MTREX: variants seen among roughly 807,000 people sequenced by gnomAD.
MTREX encodes Mtr4 exosome RNA helicase.
Under a neutral mutation model 135.4 loss-of-function variants are expected in MTREX, and 76 were observed. The ratio of observed to expected loss-of-function variants is 0.56; its 90% confidence interval spans 0.47 to 0.68. MTREX has a LOEUF of 0.68. Ranked by LOEUF, MTREX falls within the 30% of genes least tolerant of loss-of-function variation. The pLI, the probability that MTREX is intolerant of heterozygous loss-of-function variation, is 0.00. For synonymous variants in MTREX, 404 were observed against 401.6 expected (o/e 1.01, Z -0.07); for missense variants, 920 against 1,262.1 (o/e 0.73, Z 4.11).
intron 8 of MTREX, among the ~76,000 whole-genome samples, chr5:55,344,238 G>A (rs1054576357): frequency 5.3e-5 from 8 of 152,084 alleles, no homozygotes; most frequent in Admixed American, 1.3e-4. Flanking sequence ...GCATCTTTCC[G>A]TAATTACAGC....
chr5:55,362,447 G>C (rs577752666), intron 15 of MTREX, among the ~76,000 whole-genome samples: 3 of 151,748 alleles, frequency 2.0e-5, no homozygotes, highest in Non-Finnish European at 4.4e-5. Context: ...TGCGACCTCC[G>C]CCTCCTGGGT....
chr5:55,351,682 G>A (rs1749830720), intron 13 of MTREX, among the ~76,000 whole-genome samples: 1 of 152,104 alleles, frequency 6.6e-6, no homozygotes, highest in Admixed American at 6.6e-5. Context: ...GGAAATTGCT[G>A]GTTAGACTTA....
intron 19 of MTREX, among the ~76,000 whole-genome samples, chr5:55,392,597 A>T (rs181128068): frequency 3.9e-4 from 59 of 151,550 alleles, no homozygotes; most frequent in African/African-American, 1.3e-3. Context: ...CTTTGTATGC[A>T]TATTGCAGCA....
intron 1 of MTREX, among the ~76,000 whole-genome samples, chr5:55,320,617 A>G (rs1579846718): frequency 1.3e-5 from 2 of 151,056 alleles, no homozygotes; most frequent in East Asian, 3.9e-4. Flanking sequence ...TCTGTGCAAA[A>G]AAATAGAATA....
At position 55,425,045 on chromosome 5, in the gene MTREX, A is replaced by T; in HGVS notation, c.*273A>T. 1 of 1,000,038 alleles carries T rather than the reference A, an allele frequency of 1.0e-6. No individual in the cohort carries two copies. The highest frequency in any genetic ancestry group is 1.5e-6 in the Non-Finnish European group (1 of 682,114). 61.9% of individuals were successfully genotyped at this position (1,000,038 alleles called of 1,614,324 possible). ...AGAGCTATTAGATAACCACTGAGTT[A>T]AAGGTAACTATGTACACACAAAGTG... On this transcript the variant is annotated 3_prime_UTR_variant, in exon 27 of 27. Coordinates refer to ENST00000230640, the MANE Select transcript of MTREX (RefSeq NM_015360.5).
chr5:55,384,290 G>T (rs1251061801), intron 18 of MTREX, among the ~76,000 whole-genome samples: 1 of 152,034 alleles, frequency 6.6e-6, no homozygotes, highest in Non-Finnish European at 1.5e-5. Context: ...TCTACTGTTG[G>T]GCTCCTCTAG....
rs534320417 is a variant in MTREX at position 55,414,289 on chromosome 5, T to C, written c.2808+51T>C. ...AACTACATATTTTATGAATAGTAGA[T>C]TGTAAAATAAACATTTTTGATAATC... On this transcript the variant is annotated intron_variant, in intron 24 of 26. Coordinates refer to ENST00000230640, the MANE Select transcript of MTREX (RefSeq NM_015360.5). The C allele has an allele frequency of 2.9e-6, 4 of 1,357,420 alleles. No individual in the cohort carries two copies. The South Asian group carries it at 4.3e-5, about 15-fold the overall frequency. 84.1% of individuals were successfully genotyped at this position (1,357,420 alleles called of 1,614,324 possible).
chr5:55,370,188 G>T (rs1750173958), intron 16 of MTREX, among the ~76,000 whole-genome samples: 1 of 152,088 alleles, frequency 6.6e-6, no homozygotes. Flanking sequence ...CTCCCAAAGT[G>T]CTGGGATTAT....
chr5:55,369,705 G>C (rs1403472179), intron 16 of MTREX, among the ~76,000 whole-genome samples: 2 of 152,086 alleles, frequency 1.3e-5, no homozygotes, highest in Non-Finnish European at 2.9e-5. Context: ...AGGAATGGGA[G>C]CCCCTTTCAA....
chr5:55,379,437 G>A (rs576576941), intron 18 of MTREX, among the ~76,000 whole-genome samples: 58 of 152,006 alleles, frequency 3.8e-4, no homozygotes, highest in African/African-American at 1.2e-3. Flanking sequence ...CACCTGCCTC[G>A]GCCTCCCAAA....
In MTREX at chr5:55,340,383, T is replaced by C. The variant is rs150222448; in HGVS notation, c.690+199T>C. On this transcript the variant is annotated intron_variant, in intron 6 of 26. Transcript: ENST00000230640. ...ATTACATTTCTAAATTACCATACTT[T>C]ATTATTTGTCTCAGATACATTTTTT... 2.4e-3 allele frequency among the ~76,000 whole-genome samples: 364 copies of C among 152,346 alleles called. 1 individual carries two copies. The highest frequency in any genetic ancestry group is 8.2e-3 in the African/African-American group (339 of 41,592).
rs546924400 is a variant in MTREX at position 55,388,205 on chromosome 5, T to C, written c.2181+103T>C. The C allele has an allele frequency of 4.4e-5, 45 of 1,016,468 alleles. No homozygotes were observed. The Middle Eastern group carries it at 1.5e-3, about 34-fold the overall frequency. 63.0% of individuals were successfully genotyped at this position (1,016,468 alleles called of 1,614,324 possible). ...TGGTAATGAACATACTATCATGATT[T>C]CTAAATTAGAAGTTTTCAAGGTATT... is the stretch of plus-strand genomic sequence containing the variant. On this transcript the variant is annotated intron_variant, in intron 19 of 26. Coordinates refer to ENST00000230640, the MANE Select transcript of MTREX (RefSeq NM_015360.5).
In MTREX at chr5:55,339,600, T is replaced by C. The variant is rs556682500; in HGVS notation, c.516-410T>C. Among the ~76,000 whole-genome samples, 193 of 152,346 alleles carry C rather than the reference T, an allele frequency of 1.3e-3. 1 individual carries two copies. Among genetic ancestry groups the C allele is most frequent in the Admixed American group, 4.3e-3 (66 of 15,304 alleles). ...GTTACATGTGGGAAAAGAATACATA[T>C]AGATTAACTTATTTGTGAAACTTGA... On this transcript the variant is annotated intron_variant, in intron 5 of 26. Transcript: ENST00000230640.
chr5:55,412,032 C>A (rs1318004749), intron 23 of MTREX, among the ~76,000 whole-genome samples: 1 of 151,766 alleles, frequency 6.6e-6, no homozygotes, highest in Admixed American at 6.6e-5. Context: ...GTTGGTTAAG[C>A]TAAACCACAG....
intron 18 of MTREX, among the ~76,000 whole-genome samples, chr5:55,383,166 G>A (rs937992723): frequency 2.0e-5 from 3 of 152,100 alleles, no homozygotes; most frequent in African/African-American, 7.2e-5. Context: ...ATAATATAAT[G>A]TATACATATT....
chr5:55,384,425 T>C (rs1392282000), intron 18 of MTREX, among the ~76,000 whole-genome samples: 3 of 152,222 alleles, frequency 2.0e-5, no homozygotes, highest in African/African-American at 7.2e-5. Flanking sequence ...TACCTTTTAC[T>C]TCATTAATTG....
rs1751145559 is a variant in MTREX at position 55,425,239 on chromosome 5, A to C, written c.*467A>C. The C allele has an allele frequency of 6.2e-7, 1 of 1,613,800 alleles. No individual in the cohort carries two copies. The highest frequency in any genetic ancestry group is 1.3e-5 in the African/African-American group (1 of 74,898). On this transcript the variant is annotated 3_prime_UTR_variant, in exon 27 of 27. Coordinates refer to ENST00000230640, the MANE Select transcript of MTREX (RefSeq NM_015360.5). ...GGTGATTGCTCGGATAGTGATTCCC[A>C]GTTGTTGGTGTTTCATGCAGAGTTG...
chr5:55,402,304 C>T (rs1750733988), intron 21 of MTREX, among the ~76,000 whole-genome samples: 1 of 152,248 alleles, frequency 6.6e-6, no homozygotes. Context: ...ATTACTTACA[C>T]AGATATCCAG....
Position 55,345,161 on chromosome 5 carries a change from A to G in MTREX, c.1073A>G (p.Lys358Arg), listed in dbSNP as rs921880884. 33 of 1,613,290 alleles carry G rather than the reference A, an allele frequency of 2.0e-5. No homozygotes were observed. The highest frequency in any genetic ancestry group is 1.2e-4 in the Admixed American group (7 of 59,934). ...QVLRDAGDLA[K>R]GDQKGRKGGT... ...CTTCGAGATGCAGGTGATTTGGCCA[A>G]AGGAGACCAGAAAGGGCGGAAAGGA... The change falls in exon 10 of 27, where the codon AAA becomes AGA. Residue 358 changes from lysine to arginine, a missense_variant. Physicochemically the swap from Lys to Arg is conservative, Grantham distance 26. Around this residue, in one of 6 missense-constraint regions of MTREX, gnomAD observed 101 missense variants for 119.1 expected, o/e 0.85. Transcript: ENST00000230640.
Sources: gnomAD v4.1 joint callset for allele counts (sites outside exome capture counted in the v4.1 genomes callset) on GRCh38, gnomAD v4.1.1 for gene constraint, gnomAD v4.1.1 regional missense constraint, MANE v1.5 for transcripts, NCBI Gene and HGNC (gene_info 2026-07-23, HGNC 2026-07-21) for gene names.